Variants in GALNT15 observed in about 807,000 individuals in gnomAD.
GALNT15 encodes UDP-GalNAc transferase T15.
GALNT15 carries 67 observed loss-of-function variants against 66.8 expected under a neutral mutation model. The ratio of observed to expected loss-of-function variants is 1.00; its 90% CI spans 0.82 to 1.23. The LOEUF is 1.23. GALNT15 is among the 50% of genes most tolerant of loss of function. GALNT15 has a pLI of 0.00. For synonymous variants in GALNT15, 313 were observed against 311.5 expected (o/e 1.00, Z -0.05); for missense variants, 827 against 804.3 (o/e 1.03, Z -0.34).
rs377709194 is a variant in GALNT15, at chr3:16,196,008, T to A, written c.706+82T>A. ...AGTTCTCAAGCAAAAGATTGAAGTT[T>A]GGAACTATTTTAGGCAAGATTCCCC... On this transcript the variant is annotated intron_variant, in intron 2 of 9. Transcript: ENST00000339732. 2.1e-6 allele frequency: 3 copies of A among 1,435,674 alleles called. No homozygotes were observed. The African/African-American group carries it at 4.3e-5, about 20-fold the overall frequency. The allele number at this position is 1,435,674 out of a possible 1,614,324, so 88.9% of individuals were successfully genotyped here. A position where few individuals can be genotyped will look rare whatever the true frequency, so the allele number is the denominator to read the frequency against.
Position 16,227,879 on chromosome 3 carries a change from A to C in GALNT15, c.*379A>C, listed in dbSNP as rs560323364. ...TCAATGGATCAATTTATTTGTCTTC[A>C]AATGGCCTTAACTTGGATTGTCTGT... On this transcript the variant is annotated 3_prime_UTR_variant, in exon 10 of 10. Coordinates refer to ENST00000339732, the MANE Select transcript of GALNT15 (RefSeq NM_054110.5). The surrounding 1 kb of genome is among the most constrained non-coding windows in gnomAD (Gnocchi z 4.5). 1 of 1,019,782 alleles carries C rather than the reference A, an allele frequency of 9.8e-7. No individual in the cohort carries two copies. The highest frequency in any genetic ancestry group is 1.7e-5 in the African/African-American group (1 of 57,844). 63.2% of individuals were successfully genotyped at this position (1,019,782 alleles called of 1,614,324 possible). A position where few individuals can be genotyped will look rare whatever the true frequency, so the allele number is the denominator to read the frequency against.
intron 2 of GALNT15, among the ~76,000 whole-genome samples, chr3:16,197,094 C>G (rs1459298697): frequency 6.6e-6 from 1 of 152,196 alleles, no homozygotes; most frequent in African/African-American, 2.4e-5. Context: ...GGTAAAGTGC[C>G]CAGAGACTCT....
rs145932529 is a variant in GALNT15, at chr3:16,174,999, G to A, written c.-153G>A. 43 of 651,698 alleles carry A rather than the reference G, an allele frequency of 6.6e-5. No individual in the cohort carries two copies. The East Asian group carries it at 6.8e-4, about 10-fold the overall frequency. 40.4% of individuals were successfully genotyped at this position (651,698 alleles called of 1,614,324 possible). A position where few individuals can be genotyped will look rare whatever the true frequency, so the allele number is the denominator to read the frequency against. On this transcript the variant is annotated 5_prime_UTR_variant, in exon 1 of 10. Transcript: ENST00000339732. The surrounding 1 kb of genome is among the most constrained non-coding windows in gnomAD (Gnocchi z 4.7). The stretch of plus-strand genomic sequence containing the variant: ...GTAAGTGGAAGCAGGTCTTGCACAC[G>A]CTGTTGGCAAATGTCAGGACCAGGT...
rs751915860 is a variant in GALNT15 at position 16,195,922 on chromosome 3, G to A, written c.702G>A (p.Gln234=). ...TCATCCTCGTGGACGACCTCAGCCA[G>A]CAAGGTAGCCACGGCTTTCCTCCAG... ...KEIILVDDLS[Q]QGQLKSALSE... The change falls in exon 2 of 10, where the codon CAG becomes CAA. Residue 234 remains glutamine, a synonymous_variant. Coordinates refer to ENST00000339732, the MANE Select transcript of GALNT15 (RefSeq NM_054110.5). This position sits in a 1 kb window ranked among gnomAD's most constrained non-coding sequence, Gnocchi z 4.6. 1.2e-6 allele frequency: 2 copies of A among 1,614,036 alleles called. No individual in the cohort carries two copies. Among genetic ancestry groups the A allele is most frequent in the Non-Finnish European group, 1.7e-6 (2 of 1,179,944 alleles).
rs2063520805 is a variant in GALNT15 at position 16,186,830 on chromosome 3, G to T, written c.540-8930G>T. ...CTGCCAATGGGTAGTAGGTTTTTGG[G>T]GGTGGGGTGTTGAAAACGTTCTCAA... is the stretch of plus-strand genomic sequence containing the variant. On this transcript the variant is annotated intron_variant, in intron 1 of 9. Coordinates refer to ENST00000339732, the MANE Select transcript of GALNT15 (RefSeq NM_054110.5). The surrounding 1 kb of genome is among the most constrained non-coding windows in gnomAD (Gnocchi z 5.1). Among the ~76,000 whole-genome samples the T allele has an allele frequency of 6.6e-6, 1 of 152,156 alleles. No individual in the cohort carries two copies. The highest frequency in any genetic ancestry group is 2.1e-4 in the South Asian group (1 of 4,828).
At chr3:16,236,407 A>G (rs763193509), downstream of GALNT15, among the ~76,000 whole-genome samples, 1 of 152,204 alleles carries the variant, frequency 6.6e-6, no homozygotes, top group Non-Finnish European at 1.5e-5. Context: ...CGAGCCATGG[A>G]CAATAATCAA....
At chr3:16,212,963 A>G (rs2063833022) in intron 6 of GALNT15, among the ~76,000 whole-genome samples, 200 bp downstream of exon 6, 1 of 152,114 alleles carries the variant, frequency 6.6e-6, no homozygotes, top group South Asian at 2.1e-4. Context: ...ATGGGACAGC[A>G]CAGCTGGCCT....
chr3:16,224,653 A>T lies in GALNT15; in HGVS notation c.1773+1895A>T. The stretch of plus-strand genomic sequence containing the variant: ...TATTCTTTTTTTTTTTTTTTTTTTT[A>T]AAGAGGGAGTTTCGCTCTTGTTGCC... On this transcript the variant is annotated intron_variant, in intron 9 of 9. Coordinates refer to ENST00000339732, the MANE Select transcript of GALNT15 (RefSeq NM_054110.5). This position sits in a 1 kb window ranked among gnomAD's most constrained non-coding sequence, Gnocchi z 5.2. Among the ~76,000 whole-genome samples the T allele has an allele frequency of 1.5e-5, 2 of 137,108 alleles. No homozygotes were observed. Among genetic ancestry groups the T allele is most frequent in the Non-Finnish European group, 1.6e-5 (1 of 63,626 alleles). 89.9% of individuals were successfully genotyped at this position (137,108 alleles called of 152,430 possible). A position where few individuals can be genotyped will look rare whatever the true frequency, so the allele number is the denominator to read the frequency against.
intron 1 of GALNT15, among the ~76,000 whole-genome samples, chr3:16,177,706 GC>G (rs2063425342): frequency 6.6e-6 from 1 of 152,232 alleles, no homozygotes; most frequent in African/African-American, 2.4e-5. Context: ...GGTGTGTGTT[GC>G]AGTTTGCTAT....
rs1369933221 is a variant in GALNT15, at chr3:16,186,504, T to C, written c.540-9256T>C. Among the ~76,000 whole-genome samples the C allele has an allele frequency of 6.6e-6, 1 of 152,228 alleles. No homozygotes were observed. The highest frequency in any genetic ancestry group is 6.5e-5 in the Admixed American group (1 of 15,284). On this transcript the variant is annotated intron_variant, in intron 1 of 9. Coordinates refer to ENST00000339732, the MANE Select transcript of GALNT15 (RefSeq NM_054110.5). This position sits in a 1 kb window ranked among gnomAD's most constrained non-coding sequence, Gnocchi z 5.1. ...TATACATGAATATTCATAGTGGCAT[T>C]AGTCATAATATAAGTCAAAATAGGA...
intron 2 of GALNT15, 89 bp downstream of exon 2, chr3:16,196,015 A>G (rs759576872): frequency 5.1e-6 from 7 of 1,361,554 alleles, no homozygotes; most frequent in Non-Finnish European, 7.1e-6. Context: ...GTTTGGAACT[A>G]TTTTAGGCAA....
Position 16,203,397 on chromosome 3 carries a change from C to G in GALNT15, c.911+2574C>G, listed in dbSNP as rs1342640223. ...AGAAAATGAGGCTCCCTGGGAAGCC[C>G]TTTGTGATTAAGAGACATTCTAGTT... On this transcript the variant is annotated intron_variant, in intron 3 of 9. Transcript: ENST00000339732. The surrounding 1 kb of genome is among the most constrained non-coding windows in gnomAD (Gnocchi z 6.2). Among the ~76,000 whole-genome samples, 4 of 152,024 alleles carry G rather than the reference C, an allele frequency of 2.6e-5. No individual in the cohort carries two copies. The highest frequency in any genetic ancestry group is 2.6e-4 in the Admixed American group (4 of 15,244).
chr3:16,198,512 G>A (rs1366877397), intron 2 of GALNT15, among the ~76,000 whole-genome samples: 1 of 141,528 alleles, frequency 7.1e-6, no homozygotes, highest in Non-Finnish European at 1.6e-5. Flanking sequence ...AGGGGAGAAT[G>A]AATGGTGAGG....
the GALNT15 span, chr3:16,244,065 T>C: frequency 1.1e-6 from 1 of 940,124 alleles, no homozygotes; most frequent in Non-Finnish European, 1.3e-6. Context: ...GTAACACAGC[T>C]GCATGGCTCA....
intron 1 of GALNT15, among the ~76,000 whole-genome samples, chr3:16,190,078 G>C (rs2063557191): frequency 6.6e-6 from 1 of 152,196 alleles, no homozygotes; most frequent in Non-Finnish European, 1.5e-5. Flanking sequence ...ATTGCAGTTT[G>C]GCCGCTTTCA....
rs1456842808 is a variant in GALNT15 at position 16,183,580 on chromosome 3, T to G, written c.539+7890T>G. Reference sequence around the variant, plus strand: ...CTATCAGAAGTAAGAAGGTAAGCAATACCCAGCCCCAACCCCAAGAAGCTT... The same window carrying G: ...CTATCAGAAGTAAGAAGGTAAGCAAGACCCAGCCCCAACCCCAAGAAGCTT... On this transcript the variant is annotated intron_variant, in intron 1 of 9. Transcript: ENST00000339732. This position sits in a 1 kb window ranked among gnomAD's most constrained non-coding sequence, Gnocchi z 5.2. Among the ~76,000 whole-genome samples the G allele has an allele frequency of 6.6e-6, 1 of 152,150 alleles. No individual in the cohort carries two copies. Among genetic ancestry groups the G allele is most frequent in the Non-Finnish European group, 1.5e-5 (1 of 68,036 alleles).
intron 2 of GALNT15, among the ~76,000 whole-genome samples, chr3:16,196,613 G>C (rs1479147339): frequency 6.6e-6 from 1 of 152,198 alleles, no homozygotes; most frequent in African/African-American, 2.4e-5. Context: ...GAATCACCTG[G>C]TGCGATTTTT....
Position 16,225,399 on chromosome 3 carries a change from AT to A in GALNT15, c.1774-1948del, listed in dbSNP as rs999774165. 1.3e-5 allele frequency among the ~76,000 whole-genome samples: 2 copies of A among 152,284 alleles called. No homozygotes were observed. Among genetic ancestry groups the A allele is most frequent in the Non-Finnish European group, 2.9e-5 (2 of 68,058 alleles). ...AGTTTTGCTATGTGTTTTTATCACA[AT>A]TTTTTTAAAAAAGAGGCCAGGCTCA... On this transcript the variant is annotated intron_variant, in intron 9 of 9. Transcript: ENST00000339732. This position sits in a 1 kb window ranked among gnomAD's most constrained non-coding sequence, Gnocchi z 4.4.
intron 6 of GALNT15, among the ~76,000 whole-genome samples, 178 bp downstream of exon 6, chr3:16,212,941 T>G (rs2063832874): frequency 6.6e-6 from 1 of 152,168 alleles, no homozygotes. Flanking sequence ...CCTTTGTCTC[T>G]CTGGCTTCTC....
Sources: allele counts gnomAD v4.1 joint callset (sites outside exome capture counted in the v4.1 genomes callset), GRCh38; gene constraint gnomAD v4.1.1; non-coding constraint Gnocchi (gnomAD v3.1); transcripts MANE v1.5; gene names NCBI Gene and HGNC (gene_info 2026-07-23, HGNC 2026-07-21).